The following CSMD1 variants were observed in gnomAD, a reference collection of about 807,000 sequenced individuals.
CSMD1 encodes CUB and sushi domain-containing protein 1.
CSMD1 carries 213 observed loss-of-function variants against 417.5 expected under a neutral mutation model. The ratio of observed to expected loss-of-function variants is 0.51; its 90% CI spans 0.46 to 0.57. The LOEUF (loss-of-function observed/expected upper bound fraction) is 0.57. Ranked by LOEUF, CSMD1 falls within the 20% of genes least tolerant of loss-of-function variation. The probability of loss-of-function intolerance (pLI) is 0.00; values close to 1 mark genes in which losing one functional copy is unlikely to be tolerated. For missense variants in CSMD1, 6,923 were observed against 4,529.7 expected (o/e 1.53, Z -15.17); for synonymous variants, 2,862 against 1,736.8 (o/e 1.65, Z -16.11).
intron 23 of CSMD1, among the ~76,000 whole-genome samples, chr8:3,315,460 G>GTT (rs1805685895): frequency 1.2e-4 from 18 of 151,586 alleles, no homozygotes; most frequent in South Asian, 2.1e-4. Flanking sequence ...GTGTGTGTGT[G>GTT]TGATTTTTAA....
intron 42 of CSMD1, among the ~76,000 whole-genome samples, chr8:3,111,647 C>G (rs112194801): frequency 6.6e-6 from 1 of 152,060 alleles, no homozygotes; most frequent in Non-Finnish European, 1.5e-5. Context: ...GCCTGACCAA[C>G]ATGGGGAAAC....
chr8:4,181,815 G>C (rs1798392153), intron 3 of CSMD1, among the ~76,000 whole-genome samples: 1 of 152,170 alleles, frequency 6.6e-6, no homozygotes, highest in Non-Finnish European at 1.5e-5. Flanking sequence ...TGCAGCAAAT[G>C]CAAATGTAAT....
At chr8:3,560,870 C>T (rs113892930) in intron 10 of CSMD1, among the ~76,000 whole-genome samples, 44 of 152,150 alleles carry the variant, frequency 2.9e-4, no homozygotes, top group Non-Finnish European at 4.9e-4. Context: ...AGAATTTCAT[C>T]ACCATTTACT....
rs535739237 is a variant in CSMD1 at position 3,667,769 on chromosome 8, G to A, written c.1009+40645C>T. Among the ~76,000 whole-genome samples the A allele has an allele frequency of 3.9e-5, 6 of 152,322 alleles. No homozygotes were observed. The South Asian group carries it at 1.2e-3, about 32-fold the overall frequency. The stretch of plus-strand genomic sequence containing the variant: ...AGTTCTGAAAAGCAACCTTCAGGGA[G>A]CAAGTGTCTTGCGGAAAATCATGGA... On this transcript the variant is annotated intron_variant, in intron 7 of 69. Coordinates refer to ENST00000635120, the MANE Select transcript of CSMD1 (RefSeq NM_033225.6).
chr8:3,100,462 G>C (rs1421324018), intron 46 of CSMD1, among the ~76,000 whole-genome samples: 3 of 152,348 alleles, frequency 2.0e-5, no homozygotes, highest in Middle Eastern at 6.8e-3. Context: ...GTTGGAGTGG[G>C]AGAGCTGAAA....
chr8:4,422,852 G>C (rs1056765885), intron 2 of CSMD1, among the ~76,000 whole-genome samples: 1 of 152,004 alleles, frequency 6.6e-6, no homozygotes, highest in Non-Finnish European at 1.5e-5. Flanking sequence ...GTTTATTAGA[G>C]GAATGTTAGA....
intron 3 of CSMD1, among the ~76,000 whole-genome samples, chr8:4,407,317 G>A (rs1563141064): frequency 1.3e-5 from 2 of 152,156 alleles, no homozygotes; most frequent in South Asian, 4.2e-4. Flanking sequence ...AATATATAAG[G>A]GATGAAATGA....
intron 26 of CSMD1, among the ~76,000 whole-genome samples, chr8:3,270,763 T>C (rs1801786022): frequency 6.6e-6 from 1 of 152,200 alleles, no homozygotes; most frequent in Non-Finnish European, 1.5e-5. Flanking sequence ...CTATTTGTAT[T>C]AGTCTGTTTT....
At position 4,058,648 on chromosome 8, in the gene CSMD1, T is replaced by A. The variant is rs577421445; in HGVS notation, c.416-26549A>T. 1.9e-4 allele frequency among the ~76,000 whole-genome samples: 29 copies of A among 148,782 alleles called. No homozygotes were observed. The South Asian group carries it at 5.3e-3, about 27-fold the overall frequency. On this transcript the variant is annotated intron_variant, in intron 3 of 69. Coordinates refer to ENST00000635120, the MANE Select transcript of CSMD1 (RefSeq NM_033225.6). ...AAAGGCAGGGGTTGCAATCCTAGTC[T>A]CTGATAAAACAGACTTTAAACCAAC...
At chr8:3,457,176 ACTC>A (rs1171949119) in intron 12 of CSMD1, among the ~76,000 whole-genome samples, 1 of 120,382 alleles carries the variant, frequency 8.3e-6, no homozygotes, top group Admixed American at 7.8e-5. Flanking sequence ...CTCTTCCTGG[ACTC>A]CTCATCGTGG....
At chr8:3,010,678 TC>T (rs1347875552) in intron 52 of CSMD1, among the ~76,000 whole-genome samples, 3 of 151,850 alleles carry the variant, frequency 2.0e-5, no homozygotes, top group Admixed American at 6.6e-5. Flanking sequence ...TCTAGGTTGC[TC>T]CCACTCTCAC....
chr8:4,300,585 C>T (rs188577941), intron 3 of CSMD1, among the ~76,000 whole-genome samples: 7 of 152,154 alleles, frequency 4.6e-5, no homozygotes, highest in South Asian at 4.2e-4. Flanking sequence ...GCACAACGTG[C>T]GGGTTTGTTT....
chr8:4,383,742 T>TA (rs35448147), intron 3 of CSMD1, among the ~76,000 whole-genome samples: 9,747 of 151,276 alleles, frequency 0.064, 368 homozygotes, highest in Middle Eastern at 0.12. Context: ...CATGTGCAGA[T>TA]AAAAAAAATT....
chr8:4,081,466 G>A (rs1399474091), intron 3 of CSMD1, among the ~76,000 whole-genome samples: 2 of 152,116 alleles, frequency 1.3e-5, no homozygotes, highest in Non-Finnish European at 2.9e-5. Flanking sequence ...ACGGTGTCAT[G>A]GGAACACTAA....
chr8:3,751,542 G>A (rs1430220075), intron 6 of CSMD1, among the ~76,000 whole-genome samples: 1 of 149,856 alleles, frequency 6.7e-6, no homozygotes, highest in Non-Finnish European at 1.5e-5. Context: ...ATACAAGAAT[G>A]AAGTGTGTAT....
At chr8:3,194,124 T>G (rs1585617468) in intron 33 of CSMD1, among the ~76,000 whole-genome samples, 1 of 152,196 alleles carries the variant, frequency 6.6e-6, no homozygotes, top group Admixed American at 6.5e-5. Context: ...ATCACTGAAT[T>G]GCAAGCAAAA....
intron 3 of CSMD1, among the ~76,000 whole-genome samples, chr8:4,164,563 G>A (rs989726047): frequency 2.8e-4 from 42 of 152,136 alleles, no homozygotes; most frequent in African/African-American, 8.9e-4. Flanking sequence ...ACCAAGCCCC[G>A]CCCAAAATCT....
At chr8:3,157,280 G>A (rs1819595615) in intron 39 of CSMD1, among the ~76,000 whole-genome samples, 1 of 152,046 alleles carries the variant, frequency 6.6e-6, no homozygotes, top group African/African-American at 2.4e-5. Context: ...TTGTACTGAG[G>A]GACTTGTGAC....
Position 3,192,342 on chromosome 8 carries a change from G to A in CSMD1, c.5195-2227C>T, listed in dbSNP as rs1008636530. 3.9e-5 allele frequency among the ~76,000 whole-genome samples: 6 copies of A among 152,294 alleles called. No individual in the cohort carries two copies. The East Asian group carries it at 1.2e-3, about 29-fold the overall frequency. On this transcript the variant is annotated intron_variant, in intron 33 of 69. Coordinates refer to ENST00000635120, the MANE Select transcript of CSMD1 (RefSeq NM_033225.6). Reference sequence around the variant, plus strand: ...AATTCTTGTAGGTGTTGGAATATTTGCATAAACATAATGAGATATCTTAGG... The same window carrying A: ...AATTCTTGTAGGTGTTGGAATATTTACATAAACATAATGAGATATCTTAGG...
Sources: allele counts gnomAD v4.1 joint callset (sites outside exome capture counted in the v4.1 genomes callset), GRCh38; gene constraint gnomAD v4.1.1; transcripts MANE v1.5; gene names NCBI Gene and HGNC (gene_info 2026-07-23, HGNC 2026-07-21).